TSPEAR: variants seen among roughly 807,000 people sequenced by gnomAD.
The protein encoded by TSPEAR is thrombospondin type laminin G domain and EAR repeats.
TSPEAR carries 69 observed loss-of-function variants against 71.6 expected under a neutral mutation model. The ratio of observed to expected loss-of-function variants is 0.96; its 90% CI spans 0.79 to 1.18. The LOEUF (loss-of-function observed/expected upper bound fraction) is 1.18, where lower values mean the gene tolerates loss of function less well. Ranked by LOEUF, TSPEAR falls within the 50% of genes most tolerant of loss-of-function variation. TSPEAR has a pLI of 0.00. For synonymous variants in TSPEAR, 402 were observed against 387.2 expected, an observed-to-expected ratio of 1.04 and a Z score of -0.45; for missense variants, 971 against 894.9, an observed-to-expected ratio of 1.09 and a Z score of -1.09.
Position 44,602,061 on chromosome 21 carries a change from A to G in TSPEAR, c.83-34056T>C, listed in dbSNP as rs1304704209. 3 of 453,380 alleles carry G rather than the reference A, an allele frequency of 6.6e-6. No individual in the cohort carries two copies. The Admixed American group carries it at 1.1e-4, about 17-fold the overall frequency. The allele number at this position is 453,380 out of a possible 1,614,324, so 28.1% of individuals were successfully genotyped here. On this transcript the variant is annotated intron_variant, in intron 1 of 11. Transcript: ENST00000323084. ...CAACTGGGTTTCTCGTCACTGTCCC[A>G]GCTCAGTGGCGAGCCCTGCTCCTCC...
At chr21:44,573,632 C>A in intron 1 of TSPEAR, 1 of 1,482,216 alleles carries the variant, frequency 6.7e-7, no homozygotes, top group Non-Finnish European at 9.1e-7. Context: ...GCTTGCTGAG[C>A]CTCCTGTCTG....
Position 44,593,426 on chromosome 21 carries a change from C to A in TSPEAR, c.83-25421G>T, listed in dbSNP as rs1281929509. 1.3e-5 allele frequency among the ~76,000 whole-genome samples: 2 copies of A among 152,182 alleles called. No homozygotes were observed. Among genetic ancestry groups the A allele is most frequent in the African/African-American group, 4.8e-5 (2 of 41,430 alleles). ...GTCCAAAGAACCCGCACAGAAGACA[C>A]AAAATGGGTCCATGAGAAGTTGATC... is the stretch of plus-strand genomic sequence containing the variant. On this transcript the variant is annotated intron_variant, in intron 1 of 11. Transcript: ENST00000323084. The surrounding 1 kb of genome is among the most constrained non-coding windows in gnomAD (Gnocchi z 5.9).
intron 2 of TSPEAR, among the ~76,000 whole-genome samples, chr21:44,566,863 T>A (rs2053710001): frequency 6.6e-6 from 1 of 152,064 alleles, no homozygotes; most frequent in African/African-American, 2.4e-5. Flanking sequence ...AAAAATTAAA[T>A]GGATTGAAGA....
At chr21:44,689,082 G>GAGCCCGGGC (rs1172124595) in intron 1 of TSPEAR, among the ~76,000 whole-genome samples, 1 of 152,132 alleles carries the variant, frequency 6.6e-6, no homozygotes, top group Non-Finnish European at 1.5e-5. Flanking sequence ...AGCAAGAGAG[G>GAGCCCGGGC]AGCCCGGGCA....
Position 44,499,733 on chromosome 21 carries a change from G to A in TSPEAR, c.*50C>T. On this transcript the variant is annotated 3_prime_UTR_variant, in exon 12 of 12. Coordinates refer to ENST00000323084, the MANE Select transcript of TSPEAR (RefSeq NM_144991.3). ...TCCAGGGTCAGTTGGGGGAGGTGCT[G>A]GGGTCCCGCCCCACCTGGCCACCCC... 1 of 1,506,732 alleles carries A rather than the reference G, an allele frequency of 6.6e-7. No individual in the cohort carries two copies. The highest frequency in any genetic ancestry group is 1.3e-5 in the South Asian group (1 of 79,748). The allele number at this position is 1,506,732 out of a possible 1,614,324, so 93.3% of individuals were successfully genotyped here. A position where few individuals can be genotyped will look rare whatever the true frequency, so the allele number is the denominator to read the frequency against.
At chr21:44,535,596 ACTGC>A (rs2053075132) in intron 2 of TSPEAR, among the ~76,000 whole-genome samples, 1 of 152,210 alleles carries the variant, frequency 6.6e-6, no homozygotes, top group African/African-American at 2.4e-5. Flanking sequence ...GTACACTGCG[ACTGC>A]CTGCAGTATT....
intron 9 of TSPEAR, among the ~76,000 whole-genome samples, chr21:44,510,483 G>A (rs1555912485): frequency 6.6e-6 from 1 of 152,236 alleles, no homozygotes; most frequent in East Asian, 1.9e-4. Flanking sequence ...AGACGCCCCT[G>A]GGTCTGATGC....
At chr21:44,536,072 C>G (rs1555916350) in intron 2 of TSPEAR, among the ~76,000 whole-genome samples, 1 of 152,212 alleles carries the variant, frequency 6.6e-6, no homozygotes, top group East Asian at 1.9e-4. Flanking sequence ...AGCTCAGACT[C>G]AAGAGTTCAC....
intron 1 of TSPEAR, among the ~76,000 whole-genome samples, chr21:44,645,671 G>A (rs587743669): frequency 6.6e-5 from 10 of 152,022 alleles, no homozygotes; most frequent in South Asian, 6.2e-4. Flanking sequence ...TTATCTTATC[G>A]TCTGTGCCGT....
At chr21:44,588,915 T>C (rs1979548148) in intron 1 of TSPEAR, among the ~76,000 whole-genome samples, 3 of 151,668 alleles carry the variant, frequency 2.0e-5, no homozygotes, top group Admixed American at 2.0e-4. Flanking sequence ...AAACCAAACA[T>C]CATATGTTCT....
chr21:44,534,064 C>G, intron 2 of TSPEAR, 141 bp from the exon 3 acceptor site: 1 of 621,346 alleles, frequency 1.6e-6, no homozygotes, highest in Non-Finnish European at 2.8e-6. Context: ...TGAGGGGGCG[C>G]GGTGGATGGG....
At chr21:44,575,900 A>G (rs1978409049) in intron 1 of TSPEAR, among the ~76,000 whole-genome samples, 1 of 152,178 alleles carries the variant, frequency 6.6e-6, no homozygotes, top group South Asian at 2.1e-4. Flanking sequence ...TCAGGGAAGT[A>G]GGACTCCCTC....
At position 44,627,693 on chromosome 21, in the gene TSPEAR, T is replaced by C. The variant is rs369253717; in HGVS notation, c.83-59688A>G. 93 of 1,597,218 alleles carry C rather than the reference T, an allele frequency of 5.8e-5. No individual in the cohort carries two copies. In the East Asian group the frequency reaches 7.7e-4, roughly 13 times the overall value. ...CTAGCTGCCAGCCAGCTTGCTGCAC[T>C]TCCTCCCCCTGCCAGCAGTCCTACT... On this transcript the variant is annotated intron_variant, in intron 1 of 11. Coordinates refer to ENST00000323084, the MANE Select transcript of TSPEAR (RefSeq NM_144991.3).
At chr21:44,553,296 G>C (rs914452380) in intron 2 of TSPEAR, among the ~76,000 whole-genome samples, 4 of 152,084 alleles carry the variant, frequency 2.6e-5, no homozygotes, top group African/African-American at 4.8e-5. Context: ...GAAGCCAGCC[G>C]GTCTGTACAT....
intron 1 of TSPEAR, among the ~76,000 whole-genome samples, chr21:44,573,526 A>G (rs1305063547): frequency 1.3e-5 from 2 of 152,090 alleles, no homozygotes; most frequent in Non-Finnish European, 2.9e-5. Flanking sequence ...GGCCAATTCC[A>G]AGTTTTGTAA....
At chr21:44,536,018 A>G (rs1392818836) in intron 2 of TSPEAR, among the ~76,000 whole-genome samples, 4 of 152,014 alleles carry the variant, frequency 2.6e-5, no homozygotes, top group African/African-American at 9.7e-5. Flanking sequence ...CCTTACCCTC[A>G]GGTTGGGAGA....
chr21:44,706,478 C>T (rs536038204), intron 1 of TSPEAR, among the ~76,000 whole-genome samples: 1 of 73,430 alleles, frequency 1.4e-5, no homozygotes, highest in Non-Finnish European at 3.2e-5. Flanking sequence ...CACACCCACG[C>T]GTACACACCC....
intron 1 of TSPEAR, among the ~76,000 whole-genome samples, chr21:44,614,100 G>A (rs1358045854): frequency 6.6e-6 from 1 of 152,116 alleles, no homozygotes; most frequent in Non-Finnish European, 1.5e-5. Flanking sequence ...TGTCTGTCGG[G>A]GTGTCTGGTG....
rs1985558817 is a variant in TSPEAR, at chr21:44,662,703, C to T, written c.82+48730G>A. On this transcript the variant is annotated intron_variant, in intron 1 of 11. Transcript: ENST00000323084. ...GCACATGAAACATTCACCAAAAAGA[C>T]TATATTGTGCCATAAAATAAACTTC... 2.0e-5 allele frequency among the ~76,000 whole-genome samples: 3 copies of T among 152,160 alleles called. No individual in the cohort carries two copies. The South Asian group carries it at 6.2e-4, about 31-fold the overall frequency.
Sources: gnomAD v4.1 joint callset for allele counts (sites outside exome capture counted in the v4.1 genomes callset) on GRCh38, gnomAD v4.1.1 for gene constraint, Gnocchi (gnomAD v3.1) non-coding constraint, MANE v1.5 for transcripts, NCBI Gene and HGNC (gene_info 2026-07-23, HGNC 2026-07-21) for gene names.